The following AFDN variants were observed in gnomAD, a reference collection of about 807,000 sequenced individuals.
AFDN encodes afadin.
Under a neutral mutation model 216.6 loss-of-function variants are expected in AFDN, and 68 were observed. That is an observed-to-expected ratio of 0.31 (90% CI 0.26 to 0.38). AFDN has a LOEUF of 0.38. AFDN is among the 10% of genes least tolerant of loss of function. The pLI is 1.00. For missense variants in AFDN, 2,136 were observed against 2,342.0 expected, an observed-to-expected ratio of 0.91 and a Z score of 1.82; for synonymous variants, 868 against 853.7, an observed-to-expected ratio of 1.02 and a Z score of -0.29.
intron 32 of AFDN, among the ~76,000 whole-genome samples, chr6:167,967,857 G>A (rs753768479): frequency 8.0e-4 from 121 of 152,104 alleles, no homozygotes; most frequent in African/African-American, 2.5e-3. Flanking sequence ...TGTTTGTGTC[G>A]CGAGCACTCT....
In AFDN at chr6:167,969,815, C is replaced by T. The variant is rs762797849; in HGVS notation, c.5376C>T (p.Ala1792=). ...CAGATTCACCTGGAAGTTCTGGGGC[C>T]CCTGAAAACTTGACATTCAAGGAAC... ...QDADSPGSSG[A]PENLTFKERQ... is the part of the protein sequence containing the mutation. Residue 1792 remains alanine, a synonymous_variant, in exon 34 of 34, where the codon GCC becomes GCT. Coordinates refer to ENST00000683244, the MANE Select transcript of AFDN (RefSeq NM_001386888.1). 2 of 1,612,184 alleles carry T rather than the reference C, an allele frequency of 1.2e-6. No homozygotes were observed. Among genetic ancestry groups the T allele is most frequent in the African/African-American group, 2.7e-5 (2 of 74,746 alleles).
chr6:167,914,784 G>T (rs764303431), intron 18 of AFDN, 46 bp downstream of exon 18: 1 of 1,343,888 alleles, frequency 7.4e-7, no homozygotes, highest in Non-Finnish European at 1.1e-6. Context: ...CTTCCTTCAC[G>T]TTTAGCATCA....
chr6:167,883,761 G>A (rs2128308268), intron 6 of AFDN, among the ~76,000 whole-genome samples: 1 of 152,324 alleles, frequency 6.6e-6, no homozygotes, highest in Admixed American at 6.5e-5. Context: ...GCAGGGGCTT[G>A]CGTGGATGTT....
At chr6:167,911,255 TTTTC>T in intron 14 of AFDN, 25 bp from the exon 15 acceptor site, 3 of 1,607,262 alleles carry the variant, frequency 1.9e-6, no homozygotes, top group African/African-American at 1.3e-5. Context: ...TTTTTTCCTT[TTTTC>T]TTTGTTTTTG....
At chr6:167,907,714 T>C (rs2128437939) in intron 13 of AFDN, among the ~76,000 whole-genome samples, 1 of 152,308 alleles carries the variant, frequency 6.6e-6, no homozygotes, top group South Asian at 2.1e-4. Context: ...TTAAGAATTA[T>C]AAATGCCATA....
chr6:167,935,231 A>G (rs530746320), intron 23 of AFDN, among the ~76,000 whole-genome samples: 1 of 152,252 alleles, frequency 6.6e-6, no homozygotes, highest in South Asian at 2.1e-4. Context: ...GAGGCATTTT[A>G]AGATTAAAAT....
intron 3 of AFDN, 65 bp from the exon 4 acceptor site, chr6:167,872,149 A>G (rs1784864702): frequency 6.7e-7 from 1 of 1,493,726 alleles, no homozygotes; most frequent in Non-Finnish European, 9.0e-7. Flanking sequence ...AAGTTACCTA[A>G]GCCGTAGGCA....
intron 30 of AFDN, among the ~76,000 whole-genome samples, chr6:167,957,002 C>T (rs1796587066): frequency 6.6e-6 from 1 of 152,238 alleles, no homozygotes; most frequent in Non-Finnish European, 1.5e-5. Flanking sequence ...TCTAAGTTTG[C>T]TCGGGTCTCA....
chr6:167,925,077 A>G lies in AFDN; in HGVS notation c.3085A>G (p.Ile1029Val). The change falls in exon 23 of 34, where the codon ATT becomes GTT. Residue 1029 changes from isoleucine to valine, a missense_variant. Physicochemically the swap from Ile to Val is conservative, Grantham distance 29 (BLOSUM62 3). This residue lies in a region of AFDN where 12 missense variants were observed against 35.6 expected (regional missense o/e 0.34). Transcript: ENST00000683244. ...AAAGCAGAATGGAATGGGCCTTAGCATTGTTGCAGCAAAGGTAGGCCAATT... is the reference window on the plus strand; with the variant it reads ...AAAGCAGAATGGAATGGGCCTTAGCGTTGTTGCAGCAAAGGTAGGCCAATT... ...LKKQNGMGLS[I>V]VAAKGAGQDK... 1 of 1,613,072 alleles carries G rather than the reference A, an allele frequency of 6.2e-7. No homozygotes were observed.
At chr6:167,948,508 C>G in intron 29 of AFDN, 30 bp downstream of exon 29, 5 of 1,597,386 alleles carry the variant, frequency 3.1e-6, no homozygotes, top group Non-Finnish European at 4.3e-6. Flanking sequence ...ACACACTTTT[C>G]TCACCTCTCA....
In AFDN at chr6:167,969,715, C is replaced by T. The variant is rs938479266; in HGVS notation, c.5343-67C>T. 277 of 1,463,592 alleles carry T rather than the reference C, an allele frequency of 1.9e-4. 1 individual carries two copies. In the African/African-American group the frequency reaches 2.4e-3, roughly 13 times the overall value. The allele number at this position is 1,463,592 out of a possible 1,614,324, so 90.7% of individuals were successfully genotyped here. ...AAATTTTAATCGCCCATTTTGCAAA[C>T]GTGTGTAATTGTTGACAGGTTGTTT... On this transcript the variant is annotated intron_variant, in intron 33 of 33. Coordinates refer to ENST00000683244, the MANE Select transcript of AFDN (RefSeq NM_001386888.1).
At chr6:167,919,340 A>C (rs187376903) in intron 21 of AFDN, among the ~76,000 whole-genome samples, 3 of 152,402 alleles carry the variant, frequency 2.0e-5, no homozygotes, top group Admixed American at 1.3e-4. Context: ...CTTTGGAAGC[A>C]GACTGCCTGC....
intron 30 of AFDN, among the ~76,000 whole-genome samples, chr6:167,955,378 G>C (rs1796393693): frequency 6.6e-6 from 1 of 152,046 alleles, no homozygotes; most frequent in African/African-American, 2.4e-5. Flanking sequence ...TTGGTGATTG[G>C]AAGGCATATT....
intron 13 of AFDN, among the ~76,000 whole-genome samples, chr6:167,907,658 A>G (rs1789870053): frequency 6.6e-6 from 1 of 152,226 alleles, no homozygotes; most frequent in Non-Finnish European, 1.5e-5. Flanking sequence ...AGAAATCTTC[A>G]TCTGTTTAAA....
At chr6:167,932,886 G>A (rs997307011) in intron 23 of AFDN, 1 of 152,188 alleles carries the variant, frequency 6.6e-6, no homozygotes, top group African/African-American at 2.4e-5. Context: ...AGCAACAACC[G>A]TTTAATGTAG....
At chr6:167,955,983 C>T (rs183680946) in intron 30 of AFDN, among the ~76,000 whole-genome samples, 108 of 151,824 alleles carry the variant, frequency 7.1e-4, no homozygotes, top group African/African-American at 2.3e-3. Context: ...GGCACAGTGG[C>T]GGGCACCTGT....
At chr6:167,936,665 C>T (rs1794040216) in intron 23 of AFDN, among the ~76,000 whole-genome samples, 1 of 151,920 alleles carries the variant, frequency 6.6e-6, no homozygotes, top group South Asian at 2.1e-4. Context: ...TGTTATGGCT[C>T]GACAGACGAC....
chr6:167,961,782 T>G (rs1452906895), intron 30 of AFDN, among the ~76,000 whole-genome samples: 1 of 152,140 alleles, frequency 6.6e-6, no homozygotes, highest in Non-Finnish European at 1.5e-5. Context: ...CCATCTCAGG[T>G]TCAGAGTCCA....
chr6:167,966,139 C>G, intron 32 of AFDN, 94 bp downstream of exon 32: 1 of 1,535,272 alleles, frequency 6.5e-7, no homozygotes, highest in East Asian at 2.4e-5. Context: ...CCACGCCCGG[C>G]CTCCGATGGC....
Sources: allele counts gnomAD v4.1 joint callset (sites outside exome capture counted in the v4.1 genomes callset), GRCh38; gene constraint gnomAD v4.1.1; regional missense constraint gnomAD v4.1.1; transcripts MANE v1.5; gene names NCBI Gene and HGNC (gene_info 2026-07-23, HGNC 2026-07-21).